GOLGA1: variants seen among roughly 807,000 people sequenced by gnomAD.
GOLGA1 encodes the protein golgin A1.
In GOLGA1, 63 loss-of-function variants were observed where a neutral mutation model predicts 119.7. That is an observed-to-expected ratio of 0.53 (90% confidence interval 0.43 to 0.65). GOLGA1 has a LOEUF of 0.65. Ranked by LOEUF, GOLGA1 falls within the 30% of genes least tolerant of loss-of-function variation. The pLI, the probability that GOLGA1 is intolerant of heterozygous loss-of-function variation, is 0.00. For missense variants in GOLGA1, 798 were observed against 912.8 expected (o/e 0.87, Z 1.62); for synonymous variants, 318 against 333.4 (o/e 0.95, Z 0.50).
intron 7 of GOLGA1, among the ~76,000 whole-genome samples, chr9:124,924,487 C>T (rs575152797): frequency 1.3e-5 from 2 of 151,724 alleles, no homozygotes; most frequent in South Asian, 4.2e-4. Flanking sequence ...AAAAAATTAG[C>T]CAGGCATGGT....
Position 124,905,167 on chromosome 9 carries a change from A to G in GOLGA1, c.1065+3210T>C, listed in dbSNP as rs1830200659. Among the ~76,000 whole-genome samples, 6 of 150,246 alleles carry G rather than the reference A, an allele frequency of 4.0e-5. No homozygotes were observed. In the South Asian group the frequency reaches 1.2e-3, roughly 31 times the overall value. Reference sequence around the variant, plus strand: ...TCTCAAAAAATAATAATAATAAAATAAAATAAAAATAAATAAATAAATAAA... The same window carrying G: ...TCTCAAAAAATAATAATAATAAAATGAAATAAAAATAAATAAATAAATAAA... On this transcript the variant is annotated intron_variant, in intron 12 of 22. Transcript: ENST00000373555.
Position 124,938,849 on chromosome 9 carries a change from CT to C in GOLGA1, c.-139del. 1 of 593,058 alleles carries C rather than the reference CT, an allele frequency of 1.7e-6. No individual in the cohort carries two copies. The highest frequency in any genetic ancestry group is 2.9e-6 in the Non-Finnish European group (1 of 345,448). 36.7% of individuals were successfully genotyped at this position (593,058 alleles called of 1,614,324 possible). ...TTCCCACTTAAATGTGGGCCAAGGGCTTATGGCAACACAGGATCTACAAATC... is the reference window on the plus strand; with the variant it reads ...TTCCCACTTAAATGTGGGCCAAGGGCTATGGCAACACAGGATCTACAAATC... On this transcript the variant is annotated 5_prime_UTR_variant, in exon 3 of 23. Transcript: ENST00000373555.
intron 7 of GOLGA1, among the ~76,000 whole-genome samples, chr9:124,925,908 C>T (rs900814805): frequency 6.6e-6 from 1 of 152,098 alleles, no homozygotes; most frequent in East Asian, 1.9e-4. Flanking sequence ...ACTTAAGGTA[C>T]CTGTACGGTG....
chr9:124,912,717 T>C (rs555567123), intron 10 of GOLGA1, among the ~76,000 whole-genome samples: 1 of 152,298 alleles, frequency 6.6e-6, no homozygotes, highest in South Asian at 2.1e-4. Flanking sequence ...TAATTTTTTG[T>C]ATTTTTAGTA....
rs1162035525 is a variant in GOLGA1 at position 124,921,716 on chromosome 9, C to A, written c.731+7G>T. On this transcript the variant is annotated splice_region_variant and intron_variant, in intron 9 of 22. Transcript: ENST00000373555. ...CTTCCCAAGGGCCCCACAGACCAAG[C>A]AAGAACCTCTGCTCTTCCAGCGTTG... 1 of 1,610,622 alleles carries A rather than the reference C, an allele frequency of 6.2e-7. No individual in the cohort carries two copies. Among genetic ancestry groups the A allele is most frequent in the Non-Finnish European group, 8.5e-7 (1 of 1,177,776 alleles).
At chr9:124,900,399 C>G (rs1409455042) in intron 13 of GOLGA1, 53 bp downstream of exon 13, 1 of 922,398 alleles carries the variant, frequency 1.1e-6, no homozygotes, top group Non-Finnish European at 1.8e-6. Context: ...CTGCAAAGGC[C>G]TGGAGAGAAA....
intron 5 of GOLGA1, 88 bp from the exon 6 acceptor site, chr9:124,928,373 T>C (rs1353069474): frequency 4.8e-6 from 3 of 621,246 alleles, no homozygotes; most frequent in Non-Finnish European, 8.5e-6. Flanking sequence ...TGTCACCTAA[T>C]GAAAAAGGCC....
chr9:124,925,176 A>G (rs1482511865), intron 7 of GOLGA1, among the ~76,000 whole-genome samples: 2 of 152,192 alleles, frequency 1.3e-5, no homozygotes, highest in African/African-American at 4.8e-5. Context: ...GAACCTAAGT[A>G]GGTTTTTTAG....
intron 12 of GOLGA1, among the ~76,000 whole-genome samples, chr9:124,903,705 G>A (rs1206124201): frequency 6.9e-6 from 1 of 144,270 alleles, no homozygotes; most frequent in Admixed American, 6.9e-5. Context: ...ATCAATGAAT[G>A]AATGGAGAAA....
At chr9:124,938,346 G>A (rs1480463183) in intron 3 of GOLGA1, among the ~76,000 whole-genome samples, 2 of 150,062 alleles carry the variant, frequency 1.3e-5, no homozygotes, top group Non-Finnish European at 2.9e-5. Flanking sequence ...AGAGGACACT[G>A]GAGAGAATAT....
At position 124,921,164 on chromosome 9, in the gene GOLGA1, C is replaced by T. The variant is rs1414196450; in HGVS notation, c.808G>A (p.Ala270Thr). 6.2e-7 allele frequency: 1 copy of T among 1,612,050 alleles called. No individual in the cohort carries two copies. Among genetic ancestry groups the T allele is most frequent in the South Asian group, 1.1e-5 (1 of 91,036 alleles). ...TCAATGGAAAGCTGCTGAATGAGTG[C>T]TTGGAGCTCTTGTTCCTTTTGTTCC... ...ALEQKEQELQALIQQLSIDLQ... is the reference protein window; with the variant it reads ...ALEQKEQELQTLIQQLSIDLQ... Residue 270 changes from alanine (A) to threonine (T), a missense_variant, in exon 10 of 23, where the codon GCA becomes ACA. Physicochemically the swap from Ala to Thr is moderately conservative, Grantham distance 58. Transcript: ENST00000373555.
At chr9:124,938,243 GTA>G (rs1479729788) in intron 3 of GOLGA1, among the ~76,000 whole-genome samples, 1 of 152,074 alleles carries the variant, frequency 6.6e-6, no homozygotes, top group African/African-American at 2.4e-5. Context: ...TGTTATATAA[GTA>G]TATATGTCTG....
intron 10 of GOLGA1, among the ~76,000 whole-genome samples, chr9:124,918,335 C>G (rs189875228): frequency 6.6e-6 from 1 of 152,330 alleles, no homozygotes; most frequent in South Asian, 2.1e-4. Flanking sequence ...ACACCCAGCA[C>G]AGAGCCCAGC....
At chr9:124,897,012 C>T (rs1009872715) in intron 15 of GOLGA1, among the ~76,000 whole-genome samples, 5 of 152,176 alleles carry the variant, frequency 3.3e-5, no homozygotes, top group Admixed American at 1.3e-4. Context: ...ATGCTCTCCC[C>T]TGGCCACTAG....
At chr9:124,928,437 T>G (rs531389315) in intron 5 of GOLGA1, 152 bp from the exon 6 acceptor site, 2 of 523,952 alleles carry the variant, frequency 3.8e-6, no homozygotes, top group African/African-American at 4.0e-5. Flanking sequence ...ACCTCAACTT[T>G]CCAGAAGAAT....
chr9:124,916,708 TA>T (rs1303071585), intron 10 of GOLGA1, among the ~76,000 whole-genome samples: 1 of 151,512 alleles, frequency 6.6e-6, no homozygotes, highest in African/African-American at 2.4e-5. Context: ...ACCTTAACTA[TA>T]AAAAAATTTT....
chr9:124,904,984 AC>A (rs962201174), intron 12 of GOLGA1, among the ~76,000 whole-genome samples: 67 of 149,176 alleles, frequency 4.5e-4, no homozygotes, highest in African/African-American at 1.5e-3. Flanking sequence ...TTAAAAAAAT[AC>A]AAAAAAAAAA....
At chr9:124,897,301 A>C (rs890192596) in intron 15 of GOLGA1, among the ~76,000 whole-genome samples, 4 of 152,148 alleles carry the variant, frequency 2.6e-5, no homozygotes, top group African/African-American at 9.7e-5. Context: ...CAAACTCCAC[A>C]AGAAAGGAAC....
chr9:124,886,059 C>T (rs1365540217), intron 19 of GOLGA1, among the ~76,000 whole-genome samples: 2 of 152,150 alleles, frequency 1.3e-5, no homozygotes, highest in African/African-American at 4.8e-5. Context: ...AGGCTTTTGC[C>T]GTCTACTGAG....
Sources: allele counts gnomAD v4.1 joint callset (sites outside exome capture counted in the v4.1 genomes callset), GRCh38; gene constraint gnomAD v4.1.1; transcripts MANE v1.5; gene names NCBI Gene and HGNC (gene_info 2026-07-23, HGNC 2026-07-21).